Variants in FARS2 observed in about 807,000 individuals in gnomAD.
The protein encoded by FARS2 is phenylalanyl-tRNA synthetase 2, mitochondrial.
Under a neutral mutation model 46.4 loss-of-function variants are expected in FARS2, and 40 were observed. The observed-to-expected ratio is 0.86, with a 90% CI of 0.67 to 1.12. The LOEUF (loss-of-function observed/expected upper bound fraction) is 1.12, where lower values mean the gene tolerates loss of function less well. Among genes scored for constraint, FARS2 ranks in the 50% most tolerant of loss-of-function variants. FARS2 has a pLI of 0.00. For missense variants in FARS2, 513 were observed against 567.9 expected (o/e 0.90, Z 0.98); for synonymous variants, 234 against 214.9 (o/e 1.09, Z -0.78).
chr6:5,614,401 C>T (rs1457526843), intron 6 of FARS2, among the ~76,000 whole-genome samples: 2 of 149,830 alleles, frequency 1.3e-5, no homozygotes, highest in Non-Finnish European at 2.9e-5. Context: ...CCACCTGTTT[C>T]CTTCTTTGTC....
intron 1 of FARS2, among the ~76,000 whole-genome samples, chr6:5,355,373 T>C (rs1036315693): frequency 6.7e-6 from 1 of 149,012 alleles, no homozygotes; most frequent in Non-Finnish European, 1.5e-5. Flanking sequence ...TTTTCCTTTT[T>C]GTTTTTTTTT....
intron 6 of FARS2, among the ~76,000 whole-genome samples, chr6:5,624,771 G>A (rs1295332236): frequency 1.3e-5 from 2 of 152,162 alleles, no homozygotes; most frequent in Non-Finnish European, 2.9e-5. Flanking sequence ...AGCAACCTGT[G>A]ACATGATATA....
At chr6:5,498,071 C>A (rs1767576624) in intron 4 of FARS2, among the ~76,000 whole-genome samples, 1 of 152,144 alleles carries the variant, frequency 6.6e-6, no homozygotes, top group South Asian at 2.1e-4. Flanking sequence ...ATGGAAGGGA[C>A]TCTCTAGGGG....
intron 6 of FARS2, among the ~76,000 whole-genome samples, chr6:5,642,963 G>C (rs1378210543): frequency 6.6e-6 from 1 of 152,180 alleles, no homozygotes; most frequent in Non-Finnish European, 1.5e-5. Context: ...GTTGGGTCTG[G>C]CCCTGCAATG....
chr6:5,456,037 T>G (rs1254383203), intron 4 of FARS2, among the ~76,000 whole-genome samples: 2 of 152,018 alleles, frequency 1.3e-5, no homozygotes, highest in Non-Finnish European at 2.9e-5. Context: ...GGAAACGTGG[T>G]GAAACCCTGT....
At chr6:5,415,548 C>A (rs1323084982) in intron 3 of FARS2, among the ~76,000 whole-genome samples, 1 of 151,782 alleles carries the variant, frequency 6.6e-6, no homozygotes, top group African/African-American at 2.4e-5. Flanking sequence ...AACTCCTGAC[C>A]TCAGGTGATT....
rs139187612 is a variant in FARS2, at chr6:5,366,945, A to C, written c.-21-1605A>C. Among the ~76,000 whole-genome samples the C allele has an allele frequency of 4.1e-3, 632 of 152,328 alleles. 3 individuals are homozygous for C. Among genetic ancestry groups the C allele is most frequent in the Middle Eastern group, 0.014 (4 of 294 alleles). ...TGAACACTAGATGGGAAGACATTTCAGTTGAAGCTCAGCCAAAAGCCCTTT... is the reference window on the plus strand; with the variant it reads ...TGAACACTAGATGGGAAGACATTTCCGTTGAAGCTCAGCCAAAAGCCCTTT... On this transcript the variant is annotated intron_variant, in intron 1 of 6. Coordinates refer to ENST00000274680, the MANE Select transcript of FARS2 (RefSeq NM_006567.5).
chr6:5,698,227 A>G (rs1758218826), intron 6 of FARS2, among the ~76,000 whole-genome samples: 1 of 152,228 alleles, frequency 6.6e-6, no homozygotes, highest in Admixed American at 6.5e-5. Flanking sequence ...TACAGGAAGT[A>G]TCATGCTGGC....
chr6:5,733,638 G>T (rs1436532069), intron 6 of FARS2, among the ~76,000 whole-genome samples: 2 of 152,190 alleles, frequency 1.3e-5, no homozygotes, highest in Non-Finnish European at 2.9e-5. Context: ...TCAAGAACAT[G>T]TAAGGATTAG....
At chr6:5,672,789 T>C (rs1778545214) in intron 6 of FARS2, among the ~76,000 whole-genome samples, 1 of 152,144 alleles carries the variant, frequency 6.6e-6, no homozygotes, top group Non-Finnish European at 1.5e-5. Context: ...GAAGCTAAGT[T>C]TGGTTGCCAC....
chr6:5,368,973 C>T lies in FARS2; in HGVS notation c.403C>T (p.His135Tyr). 1 of 1,614,154 alleles carries T rather than the reference C, an allele frequency of 6.2e-7. No individual in the cohort carries two copies. The highest frequency in any genetic ancestry group is 8.5e-7 in the Non-Finnish European group (1 of 1,180,004). The change falls in exon 2 of 7, where the codon CAC becomes TAC. Residue 135 changes from histidine to tyrosine, a missense_variant. By Grantham distance (83) the His-to-Tyr change is moderately conservative (BLOSUM62 2). Coordinates refer to ENST00000274680, the MANE Select transcript of FARS2 (RefSeq NM_006567.5). ...TGACAGCCTGCTCATCCCAGCTGATCACCCCAGCAGGAAGAAGGGGGACAA... is the reference window on the plus strand; with the variant it reads ...TGACAGCCTGCTCATCCCAGCTGATTACCCCAGCAGGAAGAAGGGGGACAA... The part of the protein sequence containing the change: ...NFDSLLIPAD[H>Y]PSRKKGDNYY...
At chr6:5,683,724 AAGC>A (rs1299153156) in intron 6 of FARS2, among the ~76,000 whole-genome samples, 1 of 151,814 alleles carries the variant, frequency 6.6e-6, no homozygotes, top group Admixed American at 6.6e-5. Flanking sequence ...TCTAGGTTTT[AAGC>A]CCCGGAGGCA....
In FARS2 at chr6:5,649,782, T is replaced by C. The variant is rs550790455; in HGVS notation, c.1217+36462T>C. 3.9e-5 allele frequency among the ~76,000 whole-genome samples: 6 copies of C among 152,292 alleles called. No individual in the cohort carries two copies. The South Asian group carries it at 1.0e-3, about 26-fold the overall frequency. On this transcript the variant is annotated intron_variant, in intron 6 of 6. Transcript: ENST00000274680. ...TGTGATTCTAGAGCCCGTACTCTTA[T>C]CCGCTAGGCTGTGTAGGATAGACTG...
intron 1 of FARS2, among the ~76,000 whole-genome samples, chr6:5,266,271 A>T (rs744757): frequency 1.3e-5 from 2 of 151,998 alleles, no homozygotes; most frequent in Non-Finnish European, 2.9e-5. Context: ...AAGGTAATAC[A>T]TCGGCTTTCA....
At chr6:5,692,549 T>C (rs540301992) in intron 6 of FARS2, among the ~76,000 whole-genome samples, 1 of 152,306 alleles carries the variant, frequency 6.6e-6, no homozygotes, top group Non-Finnish European at 1.5e-5. Context: ...ACTTTGATAA[T>C]AGGATTTTTG....
chr6:5,734,913 A>G (rs1427261388), intron 6 of FARS2, among the ~76,000 whole-genome samples: 1 of 152,202 alleles, frequency 6.6e-6, no homozygotes, highest in African/African-American at 2.4e-5. Flanking sequence ...AGTGTAGTAC[A>G]CTGTATCTAG....
At chr6:5,375,435 A>T (rs935950499) in intron 2 of FARS2, among the ~76,000 whole-genome samples, 1 of 152,026 alleles carries the variant, frequency 6.6e-6, no homozygotes, top group Non-Finnish European at 1.5e-5. Context: ...GATTTACCAT[A>T]TTTGTAGATT....
At chr6:5,670,059 C>T (rs1471315518) in intron 6 of FARS2, among the ~76,000 whole-genome samples, 2 of 152,130 alleles carry the variant, frequency 1.3e-5, no homozygotes, top group Admixed American at 6.5e-5. Flanking sequence ...TATTTTCTTT[C>T]GTAGGCCTCC....
intron 6 of FARS2, among the ~76,000 whole-genome samples, chr6:5,733,781 A>G (rs111688606): frequency 0.056 from 8,522 of 152,216 alleles, 802 homozygotes; most frequent in African/African-American, 0.2. Flanking sequence ...CTGACCATGG[A>G]GGACACCGGC....
Sources: allele counts gnomAD v4.1 joint callset (sites outside exome capture counted in the v4.1 genomes callset), GRCh38; gene constraint gnomAD v4.1.1; transcripts MANE v1.5; gene names NCBI Gene and HGNC (gene_info 2026-07-23, HGNC 2026-07-21).